RPA3: variants seen among roughly 807,000 people sequenced by gnomAD.
RPA3 encodes replication protein A3, also known as replication protein A 14 kDa subunit.
RPA3 carries 24 observed loss-of-function variants against 13.7 expected under a neutral mutation model. The observed-to-expected ratio is 1.75, with a 90% CI of 1.27 to 2.46. RPA3 has a LOEUF of 2.46. Ranked by LOEUF, RPA3 falls within the 30% of genes most tolerant of loss-of-function variation. RPA3 has a pLI of 0.00. For missense variants in RPA3, 183 were observed against 151.0 expected, an observed-to-expected ratio of 1.21 and a Z score of -1.11; for synonymous variants, 59 against 51.2, an observed-to-expected ratio of 1.15 and a Z score of -0.65.
At chr7:7,643,773 C>G (rs28916868) in intron 4 of RPA3, among the ~76,000 whole-genome samples, 42 of 151,472 alleles carry the variant, frequency 2.8e-4, no homozygotes, top group African/African-American at 1.0e-3. Flanking sequence ...GACACTTGAC[C>G]TACTCTCTTT....
chr7:7,717,451 G>C (rs1009859442), intron 1 of RPA3, among the ~76,000 whole-genome samples: 2 of 152,040 alleles, frequency 1.3e-5, no homozygotes, highest in African/African-American at 4.8e-5. Context: ...ATAACCTCAG[G>C]TATTTACCTC....
chr7:7,669,354 G>C (rs748040821), intron 4 of RPA3, among the ~76,000 whole-genome samples: 19 of 152,246 alleles, frequency 1.2e-4, no homozygotes, highest in Middle Eastern at 3.4e-3. Context: ...GTCTTAGGCA[G>C]GGTAACTAAA....
intron 4 of RPA3, chr7:7,676,025 C>T: frequency 2.5e-6 from 1 of 397,384 alleles, no homozygotes; most frequent in African/African-American, 2.1e-5. Context: ...TGGTATCAGT[C>T]AGCATCATGT....
chr7:7,677,617 A>G (rs1164109296), intron 4 of RPA3, among the ~76,000 whole-genome samples: 1 of 143,330 alleles, frequency 7.0e-6, no homozygotes. Context: ...ATAGTATTCC[A>G]TTGTGTATAT....
intron 4 of RPA3, among the ~76,000 whole-genome samples, chr7:7,642,355 T>C (rs1027856643): frequency 6.6e-6 from 1 of 152,014 alleles, no homozygotes; most frequent in Non-Finnish European, 1.5e-5. Flanking sequence ...GGCCTCGCCA[T>C]GTTGACCAGG....
At chr7:7,644,800 T>A (rs1785059174) in intron 4 of RPA3, among the ~76,000 whole-genome samples, 1 of 152,224 alleles carries the variant, frequency 6.6e-6, no homozygotes. Flanking sequence ...GTCTTGGTTA[T>A]TTTTGTCTCT....
intron 4 of RPA3, among the ~76,000 whole-genome samples, chr7:7,666,227 G>T (rs1305094798): frequency 6.6e-6 from 1 of 151,914 alleles, no homozygotes; most frequent in Non-Finnish European, 1.5e-5. Context: ...TGTAGATAGG[G>T]TCTCATAGCC....
At chr7:7,693,735 C>T (rs28912712) in intron 2 of RPA3, among the ~76,000 whole-genome samples, 14 of 151,912 alleles carry the variant, frequency 9.2e-5, no homozygotes, top group South Asian at 2.1e-4. Flanking sequence ...ATTATATGAA[C>T]GTGAAGTTTT....
intron 4 of RPA3, among the ~76,000 whole-genome samples, chr7:7,645,349 T>A (rs938437792): frequency 6.6e-6 from 1 of 152,194 alleles, no homozygotes; most frequent in Non-Finnish European, 1.5e-5. Context: ...GTGAAAGAAG[T>A]CCACAGCTGT....
intron 4 of RPA3, among the ~76,000 whole-genome samples, chr7:7,684,026 T>C (rs892368935): frequency 6.6e-6 from 1 of 152,230 alleles, no homozygotes; most frequent in African/African-American, 2.4e-5. Context: ...CTCAACGCTC[T>C]GATATAAAAG....
chr7:7,704,440 G>C (rs1023056922), intron 2 of RPA3, among the ~76,000 whole-genome samples: 1 of 151,768 alleles, frequency 6.6e-6, no homozygotes, highest in African/African-American at 2.4e-5. Context: ...AGATCACAGA[G>C]TTTAACAACT....
At chr7:7,676,624 G>A (rs1779747366) in intron 4 of RPA3, among the ~76,000 whole-genome samples, 1 of 152,138 alleles carries the variant, frequency 6.6e-6, no homozygotes, top group Admixed American at 6.5e-5. Flanking sequence ...GAAGGTTGGT[G>A]GTTGTAATAC....
rs1047611315 is a variant in RPA3, at chr7:7,679,750, A to G, written c.-758+6080T>C. On this transcript the variant is annotated intron_variant, in intron 4 of 7. Transcript: ENST00000223129. Reference sequence around the variant, plus strand: ...TATATATACACACACACATATTAAGAGGCAATAACTCACTATGTTACTCAG... The same window carrying G: ...TATATATACACACACACATATTAAGGGGCAATAACTCACTATGTTACTCAG... Among the ~76,000 whole-genome samples, 5 of 147,982 alleles carry G rather than the reference A, an allele frequency of 3.4e-5. 1 individual carries two copies. Among genetic ancestry groups the G allele is most frequent in the African/African-American group, 1.2e-4 (5 of 40,522 alleles).
At chr7:7,648,075 G>C (rs780440833) in intron 4 of RPA3, among the ~76,000 whole-genome samples, 2 of 152,220 alleles carry the variant, frequency 1.3e-5, no homozygotes, top group Non-Finnish European at 2.9e-5. Flanking sequence ...TTAGCTGACA[G>C]CTGGCCTGGG....
At chr7:7,686,771 A>G (rs905477122) in intron 3 of RPA3, among the ~76,000 whole-genome samples, 1 of 152,122 alleles carries the variant, frequency 6.6e-6, no homozygotes, top group Non-Finnish European at 1.5e-5. Context: ...GCCGTTTTCC[A>G]GTTAGGTGTG....
At chr7:7,667,129 CCCA>C (rs1225301252) in intron 4 of RPA3, among the ~76,000 whole-genome samples, 1 of 152,176 alleles carries the variant, frequency 6.6e-6, no homozygotes, top group Non-Finnish European at 1.5e-5. Flanking sequence ...TTCTTTATCC[CCCA>C]CCTGTATAGA....
chr7:7,645,980 G>C (rs1002272147), intron 4 of RPA3, among the ~76,000 whole-genome samples: 1 of 152,238 alleles, frequency 6.6e-6, no homozygotes, highest in Middle Eastern at 3.4e-3. Flanking sequence ...CTCGGCTGCC[G>C]TGTACTCAAA....
At chr7:7,646,480 A>ATTTTTTTTTTTTTTTTTTTTTTT (rs35948027) in intron 4 of RPA3, among the ~76,000 whole-genome samples, 1 of 111,360 alleles carries the variant, frequency 9.0e-6, no homozygotes. Flanking sequence ...CTTTCGCTGG[A>ATTTTTTTTTTTTTTTTTTTTTTT]TTTTTTTTTT....
intron 2 of RPA3, among the ~76,000 whole-genome samples, chr7:7,714,799 C>T (rs1256020069): frequency 2.0e-5 from 3 of 149,548 alleles, no homozygotes; most frequent in African/African-American, 7.4e-5. Context: ...GTGTTGGGCA[C>T]TTGTGTAGAG....
Sources: gnomAD v4.1 joint callset for allele counts (sites outside exome capture counted in the v4.1 genomes callset) on GRCh38, gnomAD v4.1.1 for gene constraint, MANE v1.5 for transcripts, NCBI Gene and HGNC (gene_info 2026-07-23, HGNC 2026-07-21) for gene names.